SCARA5: variants seen among roughly 807,000 people sequenced by gnomAD.
SCARA5 encodes scavenger receptor class A member 5.
Under a neutral mutation model 46.3 loss-of-function variants are expected in SCARA5, and 45 were observed. The ratio of observed to expected loss-of-function variants is 0.97; its 90% CI spans 0.76 to 1.24. The LOEUF is 1.24. Ranked by LOEUF, SCARA5 falls within the 50% of genes most tolerant of loss-of-function variation. SCARA5 has a pLI of 0.00. For missense variants in SCARA5, 680 were observed against 689.0 expected, an observed-to-expected ratio of 0.99 and a Z score of 0.15; for synonymous variants, 333 against 306.5, an observed-to-expected ratio of 1.09 and a Z score of -0.90.
chr8:27,919,232 GGAAGA>G (rs1807541980), intron 4 of SCARA5, among the ~76,000 whole-genome samples: 7 of 75,324 alleles, frequency 9.3e-5, no homozygotes, highest in South Asian at 5.8e-4. Context: ...AGGAGGAGGA[GGAAGA>G]GACGGAGGAG....
intron 5 of SCARA5, among the ~76,000 whole-genome samples, chr8:27,908,352 G>A (rs558170146): frequency 7.2e-5 from 11 of 152,170 alleles, no homozygotes; most frequent in Admixed American, 3.3e-4. Context: ...TGACGGTGCC[G>A]GCGCCATGCA....
intron 3 of SCARA5, among the ~76,000 whole-genome samples, chr8:27,951,844 C>T (rs1808133728): frequency 6.6e-6 from 1 of 152,176 alleles, no homozygotes; most frequent in South Asian, 2.1e-4. Flanking sequence ...CAGAGAATTC[C>T]AGTCCCAGGT....
Position 27,871,828 on chromosome 8 carries a change from C to CGG in SCARA5, c.*104_*105dup, listed in dbSNP as rs1442612621. Reference sequence around the variant, plus strand: ...AGGTGTGAGGACTGAGAATGCTGGACGGGGTGTGGTCGAGGCATGGTCAGG... The same window carrying CGG: ...AGGTGTGAGGACTGAGAATGCTGGACGGGGGGTGTGGTCGAGGCATGGTCAGG... On this transcript the variant is annotated 3_prime_UTR_variant, in exon 9 of 9. Transcript: ENST00000354914. 15 of 1,571,712 alleles carry CGG rather than the reference C, an allele frequency of 9.5e-6. No homozygotes were observed. Among genetic ancestry groups the CGG allele is most frequent in the Non-Finnish European group, 1.3e-5 (15 of 1,159,554 alleles).
rs914383148 is a variant in SCARA5 at position 27,905,611 on chromosome 8, C to T, written c.1097-777G>A. Among the ~76,000 whole-genome samples, 6 of 143,750 alleles carry T rather than the reference C, an allele frequency of 4.2e-5. 1 individual carries two copies. Among genetic ancestry groups the T allele is most frequent in the East Asian group, 2.0e-4 (1 of 4,902 alleles). The allele number at this position is 143,750 out of a possible 152,430, so 94.3% of individuals were successfully genotyped here. On this transcript the variant is annotated intron_variant, in intron 6 of 8. Coordinates refer to ENST00000354914, the MANE Select transcript of SCARA5 (RefSeq NM_173833.6). Reference sequence around the variant, plus strand: ...GGCAGGGTGTGCTCCAAAGCATTGACAGTAGTTATTCTAAAGAATAAGAGC... The same window carrying T: ...GGCAGGGTGTGCTCCAAAGCATTGATAGTAGTTATTCTAAAGAATAAGAGC...
At chr8:27,984,504 T>TCATC (rs1808670352) in intron 2 of SCARA5, among the ~76,000 whole-genome samples, 2 of 142,282 alleles carry the variant, frequency 1.4e-5, no homozygotes, top group African/African-American at 5.4e-5. Context: ...ATTTATTCAT[T>TCATC]CATCTATCCA....
intron 7 of SCARA5, among the ~76,000 whole-genome samples, chr8:27,880,324 T>C (rs1806791119): frequency 6.6e-6 from 1 of 150,892 alleles, no homozygotes; most frequent in African/African-American, 2.4e-5. Context: ...TCAAAAGCAA[T>C]TGCAACAAAA....
At chr8:27,965,005 CA>C (rs1808346776) in intron 3 of SCARA5, among the ~76,000 whole-genome samples, 1 of 152,206 alleles carries the variant, frequency 6.6e-6, no homozygotes, top group African/African-American at 2.4e-5. Flanking sequence ...AGAACATGTT[CA>C]AATCCTCCTC....
chr8:27,873,388 TC>T (rs1806671285), intron 8 of SCARA5, among the ~76,000 whole-genome samples: 1 of 152,122 alleles, frequency 6.6e-6, no homozygotes, highest in Non-Finnish European at 1.5e-5. Context: ...AGCCATCATA[TC>T]CCCTGTGACC....
chr8:27,931,114 G>A (rs773556365), intron 3 of SCARA5, among the ~76,000 whole-genome samples: 10 of 152,214 alleles, frequency 6.6e-5, no homozygotes, highest in Admixed American at 1.3e-4. Flanking sequence ...TTCAGAATCT[G>A]CAAGAAAGAA....
At chr8:27,990,542 G>A (rs1034260888) in intron 1 of SCARA5, among the ~76,000 whole-genome samples, 3 of 152,182 alleles carry the variant, frequency 2.0e-5, no homozygotes, top group Non-Finnish European at 4.4e-5. Flanking sequence ...AGACCAAAGA[G>A]GCAAAGGAAG....
At chr8:27,910,548 A>T (rs146600140) in intron 4 of SCARA5, among the ~76,000 whole-genome samples, 105 of 152,290 alleles carry the variant, frequency 6.9e-4, no homozygotes, top group African/African-American at 2.4e-3. Flanking sequence ...CTGAGAGAAG[A>T]GCTCAACCAG....
rs71519658 is a variant in SCARA5 at position 27,871,889 on chromosome 8, G to C, written c.*45C>G. On this transcript the variant is annotated 3_prime_UTR_variant, in exon 9 of 9. Coordinates refer to ENST00000354914, the MANE Select transcript of SCARA5 (RefSeq NM_173833.6). ...GCTGTGCCCCACCCCAGGGATGCAG[G>C]AAGGGTGCTCTGTGCAGGACCCCGA... The C allele has an allele frequency of 0.23, 372,503 of 1,611,876 alleles. 45,134 individuals are homozygous for C. Among genetic ancestry groups the C allele is most frequent in the Middle Eastern group, 0.28 (1,389 of 4,964 alleles).
At chr8:27,905,705 CTTTTTTTTTTT>C (rs869032548) in intron 6 of SCARA5, among the ~76,000 whole-genome samples, 1 of 8,064 alleles carries the variant, frequency 1.2e-4, no homozygotes, top group African/African-American at 2.2e-4. Context: ...CTTTTCTTTT[CTTTTTTTTTTT>C]TTTTTTGAGA....
chr8:27,946,750 C>G (rs79330321), intron 3 of SCARA5, among the ~76,000 whole-genome samples: 4,595 of 152,250 alleles, frequency 0.03, 184 homozygotes, highest in East Asian at 0.15. Context: ...GAGAATCTGA[C>G]GAGGCCTCCT....
chr8:27,882,329 C>T (rs991479014), intron 7 of SCARA5, among the ~76,000 whole-genome samples: 7 of 152,148 alleles, frequency 4.6e-5, no homozygotes, highest in African/African-American at 1.7e-4. Context: ...AAGTTTTTGC[C>T]TGGATGAATA....
At chr8:27,987,063 C>G (rs1241020596) in intron 2 of SCARA5, among the ~76,000 whole-genome samples, 2 of 152,186 alleles carry the variant, frequency 1.3e-5, no homozygotes, top group African/African-American at 4.8e-5. Flanking sequence ...GGCCTTGCAC[C>G]CAGGGGCAGG....
intron 3 of SCARA5, among the ~76,000 whole-genome samples, chr8:27,924,053 C>T (rs1002331587): frequency 7.2e-5 from 11 of 152,132 alleles, no homozygotes; most frequent in Non-Finnish European, 1.3e-4. Flanking sequence ...CCTGGGAGGT[C>T]GTGGACTGTT....
intron 7 of SCARA5, among the ~76,000 whole-genome samples, chr8:27,897,826 C>G (rs1173373383): frequency 2.0e-5 from 3 of 152,282 alleles, no homozygotes; most frequent in African/African-American, 4.8e-5. Flanking sequence ...ACATAAACTC[C>G]ACAGTGCCTT....
chr8:27,934,096 T>A (rs1330636393), intron 3 of SCARA5, among the ~76,000 whole-genome samples: 2 of 152,302 alleles, frequency 1.3e-5, no homozygotes, highest in East Asian at 3.9e-4. Flanking sequence ...CAGCTGATTG[T>A]CAGCTGTCCC....
Sources: gnomAD v4.1 joint callset for allele counts (sites outside exome capture counted in the v4.1 genomes callset) on GRCh38, gnomAD v4.1.1 for gene constraint, MANE v1.5 for transcripts, NCBI Gene and HGNC (gene_info 2026-07-23, HGNC 2026-07-21) for gene names.